Variants in MPPED1 observed in about 807,000 individuals in gnomAD.
The protein encoded by MPPED1 is metallophosphoesterase domain containing 1.
Under a neutral mutation model 36.2 loss-of-function variants are expected in MPPED1, and 16 were observed. The observed-to-expected ratio is 0.44, with a 90% CI of 0.30 to 0.67. The LOEUF is 0.67. Among genes scored for constraint, MPPED1 ranks in the 30% least tolerant of loss-of-function variants. The pLI is 0.10. For missense variants in MPPED1, 307 were observed against 453.4 expected (o/e 0.68, Z 2.93); for synonymous variants, 199 against 191.3 (o/e 1.04, Z -0.33).
Position 43,505,577 on chromosome 22 carries a change from G to C in MPPED1, c.942G>C (p.Pro314=), listed in dbSNP as rs761966125. 6.2e-7 allele frequency: 1 copy of C among 1,612,394 alleles called. No homozygotes were observed. Among genetic ancestry groups the C allele is most frequent in the African/African-American group, 1.3e-5 (1 of 74,854 alleles). ...CTGTGAACTACCAGCCCGTGAACCC[G>C]CCCATAGTCATCGACCTCCCCACAC... The part of the protein sequence containing the change: ...VCTVNYQPVN[P]PIVIDLPTPR... The change falls in exon 7 of 7, where the codon CCG becomes CCC. Residue 314 remains proline (P), a synonymous_variant. Coordinates refer to ENST00000443721, the MANE Select transcript of MPPED1 (RefSeq NM_001044370.2).
intron 3 of MPPED1, among the ~76,000 whole-genome samples, chr22:43,462,395 C>T (rs1930985036): frequency 6.6e-6 from 1 of 152,168 alleles, no homozygotes; most frequent in Non-Finnish European, 1.5e-5. Context: ...TGCTGCTTCT[C>T]TTGTTTCTCG....
chr22:43,443,598 G>A (rs1294510772), intron 3 of MPPED1, among the ~76,000 whole-genome samples: 1 of 151,998 alleles, frequency 6.6e-6, no homozygotes, highest in Admixed American at 6.6e-5. Flanking sequence ...GCATGAGGTG[G>A]GCATTTGACA....
chr22:43,489,803 G>T (rs1463353539), intron 4 of MPPED1, among the ~76,000 whole-genome samples: 1 of 152,200 alleles, frequency 6.6e-6, no homozygotes, highest in African/African-American at 2.4e-5. Flanking sequence ...ATAGGCGTGA[G>T]CCGCTGCACC....
chr22:43,476,214 A>G (rs1182749025), intron 4 of MPPED1, among the ~76,000 whole-genome samples: 1 of 152,062 alleles, frequency 6.6e-6, no homozygotes, highest in Admixed American at 6.5e-5. Flanking sequence ...TATTATCCCT[A>G]TTCTATAGGT....
intron 3 of MPPED1, among the ~76,000 whole-genome samples, chr22:43,453,755 A>T (rs1930656717): frequency 6.6e-6 from 1 of 152,202 alleles, no homozygotes; most frequent in Non-Finnish European, 1.5e-5. Flanking sequence ...GTTGTCTAAG[A>T]TCCAGGCTCC....
At chr22:43,426,146 C>T (rs1351003790) in intron 2 of MPPED1, among the ~76,000 whole-genome samples, 1 of 152,200 alleles carries the variant, frequency 6.6e-6, no homozygotes, top group Non-Finnish European at 1.5e-5. Flanking sequence ...GGTGCCCCAC[C>T]CTGCTGGCAG....
chr22:43,434,441 T>C (rs1248870624), intron 2 of MPPED1, among the ~76,000 whole-genome samples: 1 of 152,140 alleles, frequency 6.6e-6, no homozygotes, highest in Non-Finnish European at 1.5e-5. Flanking sequence ...GTTGTCCTCA[T>C]CGCCCGACCA....
At chr22:43,463,965 G>A (rs1474359085) in intron 3 of MPPED1, among the ~76,000 whole-genome samples, 1 of 151,300 alleles carries the variant, frequency 6.6e-6, no homozygotes, top group Non-Finnish European at 1.5e-5. Flanking sequence ...CTGGGGTGTA[G>A]TGACGTGATC....
chr22:43,484,364 A>T (rs1931845362), intron 4 of MPPED1, among the ~76,000 whole-genome samples: 1 of 152,182 alleles, frequency 6.6e-6, no homozygotes, highest in South Asian at 2.1e-4. Context: ...CAGCCCTAGG[A>T]AGAGGCAGCC....
chr22:43,471,036 G>C (rs1203382512), intron 3 of MPPED1, among the ~76,000 whole-genome samples: 1 of 152,234 alleles, frequency 6.6e-6, no homozygotes, highest in African/African-American at 2.4e-5. Flanking sequence ...CCCTTTTCTG[G>C]GAGGGAAAAA....
chr22:43,448,090 T>G (rs1188434971), intron 3 of MPPED1, among the ~76,000 whole-genome samples: 2 of 151,960 alleles, frequency 1.3e-5, no homozygotes, highest in Non-Finnish European at 2.9e-5. Context: ...GGTTTCACCA[T>G]GTTGGTGAGG....
chr22:43,490,009 C>T (rs991541526), intron 4 of MPPED1, among the ~76,000 whole-genome samples: 1 of 152,222 alleles, frequency 6.6e-6, no homozygotes, highest in Non-Finnish European at 1.5e-5. Flanking sequence ...GGGACAGAGG[C>T]ATCATTAACC....
chr22:43,465,815 G>A (rs1931148577), intron 3 of MPPED1, among the ~76,000 whole-genome samples: 1 of 152,214 alleles, frequency 6.6e-6, no homozygotes, highest in African/African-American at 2.4e-5. Flanking sequence ...GAGACCGTAA[G>A]CACCCACAGG....
At chr22:43,495,411 AGGT>A (rs1189400544) in intron 4 of MPPED1, among the ~76,000 whole-genome samples, 3 of 135,662 alleles carry the variant, frequency 2.2e-5, no homozygotes, top group Admixed American at 7.5e-5. Flanking sequence ...GTGGTGATGG[AGGT>A]GGTGGTGGTG....
chr22:43,475,586 GTGGTGGTGA>G (rs1294014162), intron 4 of MPPED1, among the ~76,000 whole-genome samples: 2 of 135,296 alleles, frequency 1.5e-5, no homozygotes, highest in Admixed American at 1.5e-4. Flanking sequence ...GGTGGTGGTG[GTGGTGGTGA>G]TGGTGGTGAT....
intron 3 of MPPED1, among the ~76,000 whole-genome samples, chr22:43,438,893 G>A (rs920763628): frequency 2.0e-5 from 3 of 152,010 alleles, no homozygotes; most frequent in South Asian, 2.1e-4. Flanking sequence ...TGCCCACCTC[G>A]CCCACCCACT....
chr22:43,505,373 G>C, intron 6 of MPPED1, 125 bp from the exon 7 acceptor site: 1 of 716,432 alleles, frequency 1.4e-6, no homozygotes, highest in Non-Finnish European at 2.4e-6. Flanking sequence ...CTGACCTCGA[G>C]AGTTTACCAG....
Position 43,507,374 on chromosome 22 carries a change from C to G in MPPED1, c.*1758C>G, listed in dbSNP as rs969426956. 2.6e-5 allele frequency: 4 copies of G among 152,276 alleles called. No homozygotes were observed. The highest frequency in any genetic ancestry group is 9.7e-5 in the African/African-American group (4 of 41,446). The allele number at this position is 152,276 out of a possible 1,614,324, so 9.4% of individuals were successfully genotyped here. A position where few individuals can be genotyped will look rare whatever the true frequency, so the allele number is the denominator to read the frequency against. On this transcript the variant is annotated 3_prime_UTR_variant, in exon 7 of 7. Transcript: ENST00000443721. ...CCTTTTCTGCCCACACTGAGCTGGG[C>G]TCCTCGAGGGGTGGGGCTGCTGTCC...
intron 3 of MPPED1, among the ~76,000 whole-genome samples, chr22:43,447,885 T>A (rs1210890643): frequency 0.041 from 1,021 of 24,932 alleles, 29 homozygotes; most frequent in African/African-American, 0.11. Flanking sequence ...ATATATATAT[T>A]TTTTTTTTTT....
Sources: allele counts gnomAD v4.1 joint callset (sites outside exome capture counted in the v4.1 genomes callset), GRCh38; gene constraint gnomAD v4.1.1; transcripts MANE v1.5; gene names NCBI Gene and HGNC (gene_info 2026-07-23, HGNC 2026-07-21).